The following KSR1 variants were observed in gnomAD, a reference collection of about 807,000 sequenced individuals.
KSR1 encodes kinase suppressor of ras 1.
Under a neutral mutation model 92.9 loss-of-function variants are expected in KSR1, and 35 were observed. The observed-to-expected ratio is 0.38, with a 90% CI of 0.29 to 0.50. The LOEUF is 0.50. Ranked by LOEUF, KSR1 falls within the 20% of genes least tolerant of loss-of-function variation. The pLI, the probability that KSR1 is intolerant of heterozygous loss-of-function variation, is 0.94. For synonymous variants in KSR1, 467 were observed against 472.6 expected, an observed-to-expected ratio of 0.99 and a Z score of 0.15; for missense variants, 972 against 1,158.5, an observed-to-expected ratio of 0.84 and a Z score of 2.34.
chr17:27,547,537 A>G (rs1363853908), intron 1 of KSR1, among the ~76,000 whole-genome samples: 1 of 152,196 alleles, frequency 6.6e-6, no homozygotes, highest in Non-Finnish European at 1.5e-5. Flanking sequence ...CTTTAAAGTT[A>G]TGGCAGTTAT....
chr17:27,564,757 C>T (rs1049659288), intron 2 of KSR1, among the ~76,000 whole-genome samples: 1 of 145,812 alleles, frequency 6.9e-6, no homozygotes, highest in East Asian at 2.1e-4. Context: ...CCACCTCCCC[C>T]ACCCACAGTA....
chr17:27,464,100 C>T (rs1383089878), intron 1 of KSR1, among the ~76,000 whole-genome samples: 4 of 152,130 alleles, frequency 2.6e-5, no homozygotes, highest in Non-Finnish European at 5.9e-5. Context: ...TGAGTCTGGC[C>T]TGTTGACTGA....
At chr17:27,574,128 G>GT (rs746427277) in intron 2 of KSR1, among the ~76,000 whole-genome samples, 13 of 152,188 alleles carry the variant, frequency 8.5e-5, no homozygotes, top group Non-Finnish European at 1.9e-4. Context: ...TTCCGGACAA[G>GT]TAGAGGATTG....
At chr17:27,553,562 C>G (rs1007607659) in intron 2 of KSR1, among the ~76,000 whole-genome samples, 1 of 152,194 alleles carries the variant, frequency 6.6e-6, no homozygotes. Context: ...AGCAGGAGGG[C>G]AGACTGGGCT....
intron 13 of KSR1, 80 bp downstream of exon 13, chr17:27,604,808 A>G: frequency 1.4e-6 from 2 of 1,440,700 alleles, no homozygotes; most frequent in Non-Finnish European, 2.0e-6. Flanking sequence ...AGGGGGCTTG[A>G]GGGTGAGTGG....
chr17:27,594,109 G>C (rs2151199327), intron 9 of KSR1, among the ~76,000 whole-genome samples: 1 of 152,228 alleles, frequency 6.6e-6, no homozygotes, highest in Middle Eastern at 3.4e-3. Context: ...CTGGCTTTGA[G>C]TTCCAACTCC....
Position 27,506,812 on chromosome 17 carries a change from C to T in KSR1, c.232-43756C>T, listed in dbSNP as rs116079913. Among the ~76,000 whole-genome samples, 353 of 152,036 alleles carry T rather than the reference C, an allele frequency of 2.3e-3. 1 individual carries two copies. Among genetic ancestry groups the T allele is most frequent in the African/African-American group, 8.1e-3 (335 of 41,442 alleles). ...AGCCCTGCCCAAGCCTGAGGAAGAC[C>T]GAGGGGAAAGCTTTTTCATAGCCTG... On this transcript the variant is annotated intron_variant, in intron 1 of 20. Transcript: ENST00000644974.
rs556949784 is a variant in KSR1 at position 27,485,014 on chromosome 17, G to A, written c.231+28140G>A. ...ACAGGTGAGGAGACATCCCAGAGAGGTTAAGACAGTTTCCCCAAGAGGGTT... is the reference window on the plus strand; with the variant it reads ...ACAGGTGAGGAGACATCCCAGAGAGATTAAGACAGTTTCCCCAAGAGGGTT... On this transcript the variant is annotated intron_variant, in intron 1 of 20. Coordinates refer to ENST00000644974, the MANE Select transcript of KSR1 (RefSeq NM_001394583.1). Among the ~76,000 whole-genome samples, 701 of 152,286 alleles carry A rather than the reference G, an allele frequency of 4.6e-3. 2 individuals carry two copies. The highest frequency in any genetic ancestry group is 0.016 in the African/African-American group (653 of 41,548).
chr17:27,560,462 G>A (rs1341982100), intron 2 of KSR1: 3 of 518,906 alleles, frequency 5.8e-6, no homozygotes, highest in Non-Finnish European at 1.2e-5. Context: ...ATCTGGTAAG[G>A]GGATTTTTGT....
intron 18 of KSR1, among the ~76,000 whole-genome samples, chr17:27,614,325 G>A (rs1446684512): frequency 1.3e-5 from 2 of 152,236 alleles, no homozygotes; most frequent in Non-Finnish European, 2.9e-5. Flanking sequence ...CTCTTTACAA[G>A]AGTTAGCAAG....
chr17:27,526,704 A>G (rs2070315895), intron 1 of KSR1: 2 of 1,479,640 alleles, frequency 1.4e-6, no homozygotes, highest in Non-Finnish European at 1.9e-6. Context: ...GCTGAACACG[A>G]GGGTTCAGGT....
intron 1 of KSR1, among the ~76,000 whole-genome samples, chr17:27,474,227 TTTG>T (rs1465951845): frequency 6.6e-6 from 1 of 152,240 alleles, no homozygotes; most frequent in Non-Finnish European, 1.5e-5. Context: ...TCTGGCAGGA[TTTG>T]TTATCTTAGC....
intron 2 of KSR1, among the ~76,000 whole-genome samples, chr17:27,575,431 G>A (rs991746603): frequency 6.6e-6 from 1 of 152,172 alleles, no homozygotes; most frequent in African/African-American, 2.4e-5. Flanking sequence ...ATTATAATGA[G>A]CATATAATGA....
chr17:27,568,410 A>C (rs1056011491), intron 2 of KSR1, among the ~76,000 whole-genome samples: 1 of 152,206 alleles, frequency 6.6e-6, no homozygotes, highest in African/African-American at 2.4e-5. Flanking sequence ...ACCAGACTCC[A>C]AGGCTGGTGC....
chr17:27,490,057 G>C (rs1033855515), intron 1 of KSR1, among the ~76,000 whole-genome samples: 4 of 152,216 alleles, frequency 2.6e-5, no homozygotes, highest in African/African-American at 9.7e-5. Flanking sequence ...AGATGGTAAG[G>C]TGTCGGGCAA....
At chr17:27,606,537 T>C (rs2073758879) in intron 14 of KSR1, among the ~76,000 whole-genome samples, 1 of 152,210 alleles carries the variant, frequency 6.6e-6, no homozygotes, top group African/African-American at 2.4e-5. Context: ...TTCTAACACC[T>C]GCACAGTATC....
At chr17:27,523,016 A>T (rs2070105468) in intron 1 of KSR1, among the ~76,000 whole-genome samples, 1 of 152,198 alleles carries the variant, frequency 6.6e-6, no homozygotes, top group Non-Finnish European at 1.5e-5. Flanking sequence ...CTCCTCTCTC[A>T]CACAGGGCCC....
chr17:27,504,888 G>A (rs1209733943), intron 1 of KSR1, among the ~76,000 whole-genome samples: 1 of 152,204 alleles, frequency 6.6e-6, no homozygotes, highest in Non-Finnish European at 1.5e-5. Flanking sequence ...GCAGCACAGA[G>A]CAAAGTCAGC....
chr17:27,547,100 C>G (rs531515274), intron 1 of KSR1, among the ~76,000 whole-genome samples: 1 of 152,214 alleles, frequency 6.6e-6, no homozygotes, highest in African/African-American at 2.4e-5. Context: ...TGCCACTGAG[C>G]CCCTAGTACC....
Sources: gnomAD v4.1 joint callset for allele counts (sites outside exome capture counted in the v4.1 genomes callset) on GRCh38, gnomAD v4.1.1 for gene constraint, MANE v1.5 for transcripts, NCBI Gene and HGNC (gene_info 2026-07-23, HGNC 2026-07-21) for gene names.